The following ABCC3 variants were observed in gnomAD, a reference collection of about 807,000 sequenced individuals.
ABCC3 encodes ATP binding cassette subfamily C member 3.
ABCC3 carries 121 observed loss-of-function variants against 165.3 expected under a neutral mutation model. The ratio of observed to expected loss-of-function variants is 0.73; its 90% CI spans 0.63 to 0.85. ABCC3 has a LOEUF of 0.85. ABCC3 is among the 40% of genes least tolerant of loss of function. The pLI is 0.00. For synonymous variants in ABCC3, 733 were observed against 810.1 expected (o/e 0.90, Z 1.62); for missense variants, 1,869 against 1,964.1 (o/e 0.95, Z 0.92).
intron 1 of ABCC3, among the ~76,000 whole-genome samples, chr17:50,651,591 C>T (rs957350233): frequency 2.6e-5 from 4 of 152,146 alleles, no homozygotes; most frequent in Non-Finnish European, 5.9e-5. Context: ...GATGTGGTAG[C>T]TTGTGTCTGT....
At chr17:50,652,385 G>C (rs567857238) in intron 1 of ABCC3, among the ~76,000 whole-genome samples, 1 of 130,194 alleles carries the variant, frequency 7.7e-6, no homozygotes, top group Non-Finnish European at 1.7e-5. Context: ...AATAAGATTC[G>C]TGAAGGAGCT....
At position 50,673,346 on chromosome 17, in the gene ABCC3, C is replaced by T. The variant is rs370281551; in HGVS notation, c.2410-123C>T. 6.7e-5 allele frequency: 89 copies of T among 1,331,128 alleles called. No homozygotes were observed. The African/African-American group carries it at 1.1e-3, about 17-fold the overall frequency. 82.5% of individuals were successfully genotyped at this position (1,331,128 alleles called of 1,614,324 possible). On this transcript the variant is annotated intron_variant, in intron 18 of 30. Transcript: ENST00000285238. The stretch of plus-strand genomic sequence containing the variant: ...GCTGTGGCGAGCACAGGGTGAGTCA[C>T]CCATGTGCCTGTCCAAGCTCCCTGG...
In ABCC3 at chr17:50,663,670, C is replaced by T. The variant is rs769937878; in HGVS notation, c.999-11C>T. On this transcript the variant is annotated splice_polypyrimidine_tract_variant and intron_variant, in intron 8 of 30. Transcript: ENST00000285238. Reference sequence around the variant, plus strand: ...AGCACTGCCCACCTCACTCCTCTCTCCTCCCCACAGCATCCTGATCAGGTT... The same window carrying T: ...AGCACTGCCCACCTCACTCCTCTCTTCTCCCCACAGCATCCTGATCAGGTT... The T allele has an allele frequency of 3.7e-6, 6 of 1,613,954 alleles. No individual in the cohort carries two copies. Among genetic ancestry groups the T allele is most frequent in the East Asian group, 2.2e-5 (1 of 44,880 alleles).
intron 1 of ABCC3, among the ~76,000 whole-genome samples, chr17:50,637,995 C>T (rs1315204520): frequency 2.0e-5 from 3 of 152,248 alleles, no homozygotes; most frequent in Non-Finnish European, 4.4e-5. Context: ...TGTACTCACA[C>T]ACCACCTGCC....
chr17:50,691,099 G>A lies in ABCC3; in HGVS notation c.4483G>A (p.Val1495Ile). ...TCTCTCTTTTTTGACTAGGGTCCTG[G>A]TCCTGGACAAAGGAGTAGTAGCTGA... ...NTIMDYTRVLVLDKGVVAEFD... is the reference protein window; with the variant it reads ...NTIMDYTRVLILDKGVVAEFD... The change falls in exon 31 of 31, where the codon GTC (valine) becomes ATC (isoleucine). Residue 1495 changes from valine to isoleucine, a missense_variant. Val to Ile is a conservative substitution (Grantham distance 29). Transcript: ENST00000285238. The A allele has an allele frequency of 6.2e-7, 1 of 1,613,656 alleles. No individual in the cohort carries two copies. The highest frequency in any genetic ancestry group is 8.5e-7 in the Non-Finnish European group (1 of 1,179,584).
At chr17:50,650,291 G>C (rs542380568) in intron 1 of ABCC3, among the ~76,000 whole-genome samples, 78 of 152,270 alleles carry the variant, frequency 5.1e-4, no homozygotes, top group Non-Finnish European at 7.9e-4. Flanking sequence ...ATTTTTAGTA[G>C]AGATGGGGTT....
rs1968119055 is a variant in ABCC3, at chr17:50,691,287, T to C, written c.*87T>C. On this transcript the variant is annotated 3_prime_UTR_variant, in exon 31 of 31. Coordinates refer to ENST00000285238, the MANE Select transcript of ABCC3 (RefSeq NM_003786.4). ...AAATATGTCCGCAGAATGGACTTGATAGCAAACACTGGGGGCACCTTAAGA... is the reference window on the plus strand; with the variant it reads ...AAATATGTCCGCAGAATGGACTTGACAGCAAACACTGGGGGCACCTTAAGA... The C allele has an allele frequency of 6.8e-6, 7 of 1,028,128 alleles. No individual in the cohort carries two copies. The East Asian group carries it at 1.8e-4, about 26-fold the overall frequency. The allele number at this position is 1,028,128 out of a possible 1,614,324, so 63.7% of individuals were successfully genotyped here.
At chr17:50,636,604 G>T (rs11651958) in intron 1 of ABCC3, among the ~76,000 whole-genome samples, 9 of 152,212 alleles carry the variant, frequency 5.9e-5, no homozygotes, top group Non-Finnish European at 7.3e-5. Flanking sequence ...TGGTATGACC[G>T]TGGCAGGTTT....
intron 21 of ABCC3, 36 bp from the exon 22 acceptor site, chr17:50,675,847 T>G: frequency 9.3e-6 from 15 of 1,610,822 alleles, no homozygotes; most frequent in Non-Finnish European, 1.3e-5. Context: ...GTTTATGGAG[T>G]CCCCTGTCCC....
rs376760018 is a variant in ABCC3, at chr17:50,673,086, C to T, written c.2357C>T (p.Ala786Val). The T allele has an allele frequency of 6.8e-5, 110 of 1,614,022 alleles. No individual in the cohort carries two copies. The highest frequency in any genetic ancestry group is 9.0e-5 in the Non-Finnish European group (106 of 1,180,050). Residue 786 changes from alanine (A) to valine (V), a missense_variant, in exon 18 of 31, where the codon GCC (alanine) becomes GTC (valine). Ala to Val is a moderately conservative substitution (Grantham distance 64, BLOSUM62 0). Transcript: ENST00000285238. Reference sequence around the variant, plus strand: ...CTGTCCGCGGTGGACTCTCATGTGGCCAAGCACATCTTTGACCACGTCATC... The same window carrying T: ...CTGTCCGCGGTGGACTCTCATGTGGTCAAGCACATCTTTGACCACGTCATC... Reference protein sequence around the residue: ...DPLSAVDSHVAKHIFDHVIGP... With the variant: ...DPLSAVDSHVVKHIFDHVIGP...
chr17:50,643,168 G>A (rs1011918569), intron 1 of ABCC3, among the ~76,000 whole-genome samples: 4 of 152,238 alleles, frequency 2.6e-5, no homozygotes, highest in African/African-American at 9.6e-5. Flanking sequence ...GCTCTGGCTG[G>A]GCCCAGAGAA....
rs777114534 is a variant in ABCC3, at chr17:50,687,616, C to T, written c.4361C>T (p.Ala1454Val). The T allele has an allele frequency of 3.2e-5, 52 of 1,614,148 alleles. No individual in the cohort carries two copies. Among genetic ancestry groups the T allele is most frequent in the Non-Finnish European group, 4.3e-5 (51 of 1,180,058 alleles). The change falls in exon 30 of 31, where the codon GCT (alanine) becomes GTT (valine). Residue 1454 changes from alanine to valine, a missense_variant. Coordinates refer to ENST00000285238, the MANE Select transcript of ABCC3 (RefSeq NM_003786.4). ...ATCCTGGTTTTAGACGAGGCCACAG[C>T]TGCCATCGACCTGGAGACTGACAAC... ...SRILVLDEAT[A>V]AIDLETDNLI...
Position 50,691,246 on chromosome 17 carries a change from G to A in ABCC3, c.*46G>A. ...TCCTGGCCTTTCCTGGTTTTCATCA[G>A]GAAGGAAATGACACCAAATATGTCC... On this transcript the variant is annotated 3_prime_UTR_variant, in exon 31 of 31. Coordinates refer to ENST00000285238, the MANE Select transcript of ABCC3 (RefSeq NM_003786.4). 1 of 1,474,484 alleles carries A rather than the reference G, an allele frequency of 6.8e-7. No individual in the cohort carries two copies. Among genetic ancestry groups the A allele is most frequent in the African/African-American group, 1.4e-5 (1 of 72,218 alleles). 91.3% of individuals were successfully genotyped at this position (1,474,484 alleles called of 1,614,324 possible). A position where few individuals can be genotyped will look rare whatever the true frequency, so the allele number is the denominator to read the frequency against.
chr17:50,658,129 T>C lies in ABCC3; in HGVS notation c.534T>C (p.Phe178=), dbSNP rs1272488727. The C allele has an allele frequency of 6.2e-7, 1 of 1,614,214 alleles. No homozygotes were observed. Residue 178 remains phenylalanine, a synonymous_variant, in exon 5 of 31, where the codon TTT becomes TTC. Coordinates refer to ENST00000285238, the MANE Select transcript of ABCC3 (RefSeq NM_003786.4). ...PFRFTTFYIH[F]ALVLSALILA... ...GCTTCACCACCTTCTACATCCACTT[T>C]GCCCTGGTACTCTCTGCCCTCATCT...
intron 25 of ABCC3, 177 bp from the exon 26 acceptor site, chr17:50,679,621 T>C (rs1967891254): frequency 1.7e-6 from 1 of 573,106 alleles, no homozygotes; most frequent in Non-Finnish European, 3.2e-6. Flanking sequence ...CCCAAGGGAG[T>C]CATTCGTGAT....
chr17:50,683,607 C>A lies in ABCC3; in HGVS notation c.3808-3C>A. The A allele has an allele frequency of 6.4e-7, 1 of 1,554,348 alleles. No homozygotes were observed. The highest frequency in any genetic ancestry group is 8.7e-7 in the Non-Finnish European group (1 of 1,151,464). On this transcript the variant is annotated splice_polypyrimidine_tract_variant and splice_region_variant and intron_variant, in intron 26 of 30. Coordinates refer to ENST00000285238, the MANE Select transcript of ABCC3 (RefSeq NM_003786.4). ...ATGTGACCCCATCTGCCCCTCCTGC[C>A]AGGCGCCCTGGGTGGTGGAAGGCAG...
Position 50,677,629 on chromosome 17 carries a change from G to A in ABCC3, c.3379-115G>A, listed in dbSNP as rs539688671. ...GTGGGGGAAGGCAGCGATGTCTCGT[G>A]GTGGGAGTGAGGCTGGCTGGGAGGA... On this transcript the variant is annotated intron_variant, in intron 23 of 30. Coordinates refer to ENST00000285238, the MANE Select transcript of ABCC3 (RefSeq NM_003786.4). 114 of 1,035,458 alleles carry A rather than the reference G, an allele frequency of 1.1e-4. 1 individual carries two copies. In the South Asian group the frequency reaches 1.6e-3, roughly 15 times the overall value. The allele number at this position is 1,035,458 out of a possible 1,614,324, so 64.1% of individuals were successfully genotyped here.
At chr17:50,673,935 T>C (rs1487479020) in intron 19 of ABCC3, among the ~76,000 whole-genome samples, 1 of 15,242 alleles carries the variant, frequency 6.6e-5, no homozygotes, top group Non-Finnish European at 1.2e-4. Flanking sequence ...TTTCTTTCTT[T>C]CTTTCTTTCT....
intron 1 of ABCC3, chr17:50,635,685 C>T (rs2054173227): frequency 1.5e-6 from 1 of 675,946 alleles, no homozygotes; most frequent in African/African-American, 1.8e-5. Flanking sequence ...GGGACTTGCC[C>T]AAAGTTACCC....
Sources: gnomAD v4.1 joint callset for allele counts (sites outside exome capture counted in the v4.1 genomes callset) on GRCh38, gnomAD v4.1.1 for gene constraint, MANE v1.5 for transcripts, NCBI Gene and HGNC (gene_info 2026-07-23, HGNC 2026-07-21) for gene names.